RIF1: variants seen among roughly 807,000 people sequenced by gnomAD.
RIF1 encodes the protein replication timing regulatory factor 1, also known as telomere-associated protein RIF1.
A neutral mutation model predicts 247.1 loss-of-function variants in RIF1; 45 were observed. The observed-to-expected ratio is 0.18, with a 90% CI of 0.14 to 0.23. The LOEUF is 0.23. Among genes scored for constraint, RIF1 ranks in the 10% least tolerant of loss-of-function variants. RIF1 has a pLI of 1.00. For synonymous variants in RIF1, 1,087 were observed against 978.8 expected (o/e 1.11, Z -2.06); for missense variants, 2,967 against 2,862.5 (o/e 1.04, Z -0.83).
At chr2:151,446,744 C>CT (rs1693336953) in intron 20 of RIF1, among the ~76,000 whole-genome samples, 169 bp downstream of exon 20, 1 of 152,108 alleles carries the variant, frequency 6.6e-6, no homozygotes, top group South Asian at 2.1e-4. Context: ...TCTTTGGGCT[C>CT]TAAGATTCAG....
chr2:151,490,288 T>A, intron 9 of RIF1: 3 of 1,487,548 alleles, frequency 2.0e-6, no homozygotes, highest in Admixed American at 2.3e-5. Flanking sequence ...TTTAAATTTG[T>A]TTTTGTACTC....
At chr2:151,503,894 C>G (rs1428611572) in intron 12 of RIF1, among the ~76,000 whole-genome samples, 1 of 152,080 alleles carries the variant, frequency 6.6e-6, no homozygotes, top group African/African-American at 2.4e-5. Flanking sequence ...AATGAATGTT[C>G]CTCGCTGGCT....
At chr2:151,446,688 T>C in intron 20 of RIF1, 113 bp downstream of exon 20, 1 of 1,055,748 alleles carries the variant, frequency 9.5e-7, no homozygotes, top group South Asian at 1.4e-5. Context: ...TTATATGTGA[T>C]AAAGTTGATA....
chr2:151,497,593 A>G, intron 10 of RIF1: 2 of 1,544,390 alleles, frequency 1.3e-6, no homozygotes, highest in Non-Finnish European at 8.8e-7. Context: ...AAATCATTAA[A>G]TAAGTAGTTT....
chr2:151,519,790 C>G, the RIF1 span: 4 of 1,463,128 alleles, frequency 2.7e-6, no homozygotes, highest in South Asian at 2.3e-5. Flanking sequence ...TGCAAACATC[C>G]AAATTATTCC....
chr2:151,523,521 A>G, the RIF1 span, among the ~76,000 whole-genome samples: 2 of 152,250 alleles, frequency 1.3e-5, no homozygotes, highest in African/African-American at 4.8e-5. Flanking sequence ...TGGAGGAGAA[A>G]TGAGATATTC....
chr2:151,534,088 C>T, the RIF1 span: 2 of 716,816 alleles, frequency 2.8e-6, no homozygotes, highest in Non-Finnish European at 4.7e-6. Flanking sequence ...TAGACAGATA[C>T]TTTGAAACAG....
intron 19 of RIF1, among the ~76,000 whole-genome samples, 176 bp from the exon 20 acceptor site, chr2:151,446,250 C>T (rs777503363): frequency 5.4e-4 from 82 of 151,134 alleles, no homozygotes; most frequent in Non-Finnish European, 1.1e-3. Context: ...CCACCAACCT[C>T]GGCCTCCCAG....
intron 4 of RIF1, among the ~76,000 whole-genome samples, chr2:151,415,203 C>T (rs568123175): frequency 1.1e-4 from 17 of 151,802 alleles, no homozygotes; most frequent in African/African-American, 2.7e-4. Flanking sequence ...AAAAATTAGC[C>T]GGGCACCGTG....
chr2:151,493,433 CTT>C lies in RIF1; in HGVS notation c.*416-1794_*416-1793del. ...GTCGGAGTTGCTTTTCTCATGTTCT[CTT>C]TGTACAATACCTAGGGAAGCCAAAA... On this transcript the variant is annotated intron_variant and NMD_transcript_variant, in intron 9 of 13. Coordinates refer to the RIF1 transcript ENST00000454583. 1 of 1,600,682 alleles carries C rather than the reference CTT, an allele frequency of 6.2e-7. No individual in the cohort carries two copies. The highest frequency in any genetic ancestry group is 8.5e-7 in the Non-Finnish European group (1 of 1,175,514).
chr2:151,504,629 G>A (rs1164359051), intron 12 of RIF1, among the ~76,000 whole-genome samples: 1 of 152,162 alleles, frequency 6.6e-6, no homozygotes, highest in East Asian at 1.9e-4. Flanking sequence ...TTGACCAGGG[G>A]AATCCCAAGA....
chr2:151,411,749 A>C (rs1172919450), intron 3 of RIF1, among the ~76,000 whole-genome samples: 2 of 152,300 alleles, frequency 1.3e-5, no homozygotes, highest in East Asian at 3.9e-4. Context: ...AAAGCTTTGA[A>C]TCTAAAATAA....
Position 151,437,179 on chromosome 2 carries a change from G to A in RIF1, c.1373-62G>A, listed in dbSNP as rs928464504. 6.5e-6 allele frequency: 9 copies of A among 1,374,876 alleles called. No homozygotes were observed. In the African/African-American group the frequency reaches 1.3e-4, roughly 20 times the overall value. The allele number at this position is 1,374,876 out of a possible 1,614,324, so 85.2% of individuals were successfully genotyped here. ...TTAATAGACATTTTAAAGTTTTATA[G>A]TGAGAAATGTATTTCATAAATCTGT... is the stretch of plus-strand genomic sequence containing the variant. On this transcript the variant is annotated intron_variant, in intron 12 of 35. Transcript: ENST00000444746.
chr2:151,507,955 A>C, exon 14 of RIF1: 1 of 1,358,734 alleles, frequency 7.4e-7, no homozygotes, highest in Non-Finnish European at 1.0e-6. Context: ...CATCTTCCTC[A>C]GCACCCCTAG....
rs1064796521 is a variant in RIF1, at chr2:151,501,428, A to G, written c.*710-1606A>G. The G allele has an allele frequency of 1.3e-6, 2 of 1,548,560 alleles. No individual in the cohort carries two copies. Among genetic ancestry groups the G allele is most frequent in the South Asian group, 1.2e-5 (1 of 83,218 alleles). ...TTCTTGATTGAGTTTGACTCGCTCC[A>G]TCTCAGGAGTGACAGGTAGGGGAGT... On this transcript the variant is annotated intron_variant and NMD_transcript_variant, in intron 11 of 13. Coordinates refer to the RIF1 transcript ENST00000454583.
chr2:151,455,987 C>G (rs1315770541), intron 22 of RIF1, among the ~76,000 whole-genome samples: 3 of 152,116 alleles, frequency 2.0e-5, no homozygotes, highest in Non-Finnish European at 4.4e-5. Flanking sequence ...GCCACTATTT[C>G]TGGGTATACA....
chr2:151,410,319 G>T, intron 1 of RIF1, 95 bp from the exon 2 acceptor site: 1 of 917,936 alleles, frequency 1.1e-6, no homozygotes, highest in East Asian at 2.6e-5. Context: ...AGGCCCGGGC[G>T]GGCGTGCGGG....
Position 151,437,303 on chromosome 2 carries a change from A to G in RIF1, c.1435A>G (p.Ile479Val), listed in dbSNP as rs755264261. Residue 479 changes from isoleucine (I) to valine (V), a missense_variant, in exon 13 of 36, where the codon ATC (isoleucine) becomes GTC (valine). By Grantham distance (29) the Ile-to-Val change is conservative. Transcript: ENST00000444746. ...TTTTTCCAAACATGCAAATACACTTATCACTGCTGTTCATGATAGCTTTGT... is the reference window on the plus strand; with the variant it reads ...TTTTTCCAAACATGCAAATACACTTGTCACTGCTGTTCATGATAGCTTTGT... ...SFFSKHANTLITAVHDSFVAV... is the reference protein window; with the variant it reads ...SFFSKHANTLVTAVHDSFVAV... 16 of 1,613,934 alleles carry G rather than the reference A, an allele frequency of 9.9e-6. No individual in the cohort carries two copies. Among genetic ancestry groups the G allele is most frequent in the Non-Finnish European group, 1.3e-5 (15 of 1,179,934 alleles).
At position 151,419,784 on chromosome 2, in the gene RIF1, T is replaced by C. The variant is rs561160458; in HGVS notation, c.504-406T>C. Among the ~76,000 whole-genome samples, 10 of 152,322 alleles carry C rather than the reference T, an allele frequency of 6.6e-5. No individual in the cohort carries two copies. In the South Asian group the frequency reaches 1.7e-3, roughly 25 times the overall value. Reference sequence around the variant, plus strand: ...AGTGTTACAACAGCTATGATGTCACTAGGTGATAGGAACTTGTCAGGTCCC... The same window carrying C: ...AGTGTTACAACAGCTATGATGTCACCAGGTGATAGGAACTTGTCAGGTCCC... On this transcript the variant is annotated intron_variant, in intron 6 of 35. Coordinates refer to ENST00000444746, the MANE Select transcript of RIF1 (RefSeq NM_018151.5).
Sources: allele counts gnomAD v4.1 joint callset (sites outside exome capture counted in the v4.1 genomes callset), GRCh38; gene constraint gnomAD v4.1.1; transcripts MANE v1.5; gene names NCBI Gene and HGNC (gene_info 2026-07-23, HGNC 2026-07-21).